RUNDC3B: variants seen among roughly 807,000 people sequenced by gnomAD.
RUNDC3B encodes the protein RUN domain-containing protein 3B.
Under a neutral mutation model 58.4 loss-of-function variants are expected in RUNDC3B, and 33 were observed. The observed-to-expected ratio is 0.56, with a 90% CI of 0.43 to 0.75. RUNDC3B has a LOEUF of 0.75. Among genes scored for constraint, RUNDC3B ranks in the 30% least tolerant of loss-of-function variants. The pLI, the probability that RUNDC3B is intolerant of heterozygous loss-of-function variation, is 0.00. For missense variants in RUNDC3B, 501 were observed against 535.7 expected (o/e 0.94, Z 0.64); for synonymous variants, 193 against 195.2 (o/e 0.99, Z 0.10).
At chr7:87,744,342 A>G (rs1039873135) in intron 6 of RUNDC3B, among the ~76,000 whole-genome samples, 7 of 152,022 alleles carry the variant, frequency 4.6e-5, no homozygotes, top group African/African-American at 1.7e-4. Flanking sequence ...TTCTAATTCT[A>G]TGAAGAATGG....
At chr7:87,805,170 A>G (rs1836370673) in intron 8 of RUNDC3B, among the ~76,000 whole-genome samples, 1 of 152,210 alleles carries the variant, frequency 6.6e-6, no homozygotes, top group Non-Finnish European at 1.5e-5. Context: ...TCAGGGACCC[A>G]CCACTAAAGT....
intron 3 of RUNDC3B, among the ~76,000 whole-genome samples, chr7:87,706,644 A>G (rs559082796): frequency 2.2e-4 from 33 of 152,352 alleles, no homozygotes; most frequent in African/African-American, 7.9e-4. Context: ...TCTTTGCTTT[A>G]GCCTAAAGTT....
intron 4 of RUNDC3B, among the ~76,000 whole-genome samples, chr7:87,717,321 A>G (rs1165786380): frequency 6.6e-6 from 1 of 152,024 alleles, no homozygotes; most frequent in Non-Finnish European, 1.5e-5. Context: ...GTTAAACAAG[A>G]TAAGAAAAAC....
intron 6 of RUNDC3B, among the ~76,000 whole-genome samples, chr7:87,750,023 C>T (rs1438189385): frequency 1.3e-5 from 2 of 151,898 alleles, no homozygotes; most frequent in Non-Finnish European, 2.9e-5. Flanking sequence ...TGCTATCCCT[C>T]CCCTCTCCCC....
intron 6 of RUNDC3B, among the ~76,000 whole-genome samples, chr7:87,750,012 A>G (rs900101993): frequency 3.9e-5 from 6 of 151,914 alleles, no homozygotes; most frequent in East Asian, 3.9e-4. Context: ...ATATCTCCCA[A>G]TGCTATCCCT....
intron 1 of RUNDC3B, among the ~76,000 whole-genome samples, chr7:87,647,912 C>T (rs574125930): frequency 2.8e-4 from 43 of 152,002 alleles, no homozygotes; most frequent in Non-Finnish European, 4.6e-4. Flanking sequence ...AGGCCAGGCA[C>T]GGTGGCTCAT....
At chr7:87,690,679 A>G (rs565540759) in intron 2 of RUNDC3B, among the ~76,000 whole-genome samples, 1 of 152,170 alleles carries the variant, frequency 6.6e-6, no homozygotes, top group Non-Finnish European at 1.5e-5. Flanking sequence ...CTATGTAAAT[A>G]CAAAGTGAAA....
chr7:87,707,477 C>A (rs1829706086), intron 3 of RUNDC3B, among the ~76,000 whole-genome samples: 1 of 152,078 alleles, frequency 6.6e-6, no homozygotes, highest in Admixed American at 6.5e-5. Flanking sequence ...ATTTCAAGAC[C>A]ATTCTGGGCA....
intron 6 of RUNDC3B, among the ~76,000 whole-genome samples, chr7:87,753,810 T>C (rs1194468633): frequency 2.6e-5 from 4 of 152,212 alleles, no homozygotes; most frequent in East Asian, 1.9e-4. Context: ...GCTGTTCCTC[T>C]TACTCCTGTA....
chr7:87,703,778 C>T (rs1489710815), intron 3 of RUNDC3B, among the ~76,000 whole-genome samples: 1 of 150,674 alleles, frequency 6.6e-6, no homozygotes, highest in Non-Finnish European at 1.5e-5. Context: ...CCTCAAACTA[C>T]TGAATTTTTA....
At chr7:87,775,339 A>T (rs973091546) in intron 7 of RUNDC3B, among the ~76,000 whole-genome samples, 1 of 152,236 alleles carries the variant, frequency 6.6e-6, no homozygotes, top group African/African-American at 2.4e-5. Flanking sequence ...ATAGAAAAAA[A>T]GCTTATAGAA....
At chr7:87,734,699 C>A (rs1831816310) in intron 4 of RUNDC3B, among the ~76,000 whole-genome samples, 1 of 152,078 alleles carries the variant, frequency 6.6e-6, no homozygotes, top group Non-Finnish European at 1.5e-5. Flanking sequence ...CTGGCTTCTG[C>A]CCCTCATCAC....
intron 2 of RUNDC3B, 82 bp from the exon 3 acceptor site, chr7:87,700,339 T>C: frequency 8.1e-7 from 1 of 1,229,500 alleles, no homozygotes; most frequent in Non-Finnish European, 1.1e-6. Flanking sequence ...CCTTTATTTT[T>C]CAGAATTTTA....
intron 7 of RUNDC3B, among the ~76,000 whole-genome samples, chr7:87,773,051 T>C (rs12540032): frequency 0.14 from 21,960 of 151,978 alleles, 2,537 homozygotes; most frequent in African/African-American, 0.32. Context: ...CAGCCGGGCC[T>C]GGCGACTCAC....
intron 4 of RUNDC3B, among the ~76,000 whole-genome samples, chr7:87,730,733 A>T (rs1436688305): frequency 6.6e-6 from 1 of 152,002 alleles, no homozygotes; most frequent in Non-Finnish European, 1.5e-5. Context: ...GTAGCCAGGC[A>T]GTAGCCACCT....
At chr7:87,755,784 G>A (rs1254201242) in intron 6 of RUNDC3B, among the ~76,000 whole-genome samples, 1 of 152,082 alleles carries the variant, frequency 6.6e-6, no homozygotes, top group African/African-American at 2.4e-5. Flanking sequence ...GGCAAAATCT[G>A]GAAGTATTCC....
chr7:87,745,410 T>G (rs886252552), intron 6 of RUNDC3B, among the ~76,000 whole-genome samples: 3 of 152,124 alleles, frequency 2.0e-5, no homozygotes, highest in Non-Finnish European at 4.4e-5. Context: ...TCTTTGAATG[T>G]CTGGTAAAAT....
At chr7:87,710,484 T>A in intron 3 of RUNDC3B, 86 bp from the exon 4 acceptor site, 1 of 736,400 alleles carries the variant, frequency 1.4e-6, no homozygotes, top group East Asian at 2.8e-5. Context: ...ATGGCTGTTC[T>A]TTACATATTA....
At position 87,700,506 on chromosome 7, in the gene RUNDC3B, T is replaced by G; in HGVS notation, c.324T>G (p.Cys108Trp). ...CTTGCCGGAAAGTTTCACAGAATTG[T>G]ATCTGCAGCATTGAAAATATGGAAA... is the stretch of plus-strand genomic sequence containing the variant. ...RVACRKVSQN[C>W]ICSIENMENV... is the part of the protein sequence containing the mutation. Residue 108 changes from cysteine (C) to tryptophan (W), a missense_variant, in exon 3 of 11, where the codon TGT (cysteine) becomes TGG (tryptophan). Physicochemically the swap from Cys to Trp is radical, Grantham distance 215. Transcript: ENST00000394654. 1 of 1,613,578 alleles carries G rather than the reference T, an allele frequency of 6.2e-7. No homozygotes were observed. The highest frequency in any genetic ancestry group is 8.5e-7 in the Non-Finnish European group (1 of 1,179,702).
Sources: allele counts gnomAD v4.1 joint callset (sites outside exome capture counted in the v4.1 genomes callset), GRCh38; gene constraint gnomAD v4.1.1; transcripts MANE v1.5; gene names NCBI Gene and HGNC (gene_info 2026-07-23, HGNC 2026-07-21).